Variants in CADM1 observed in about 807,000 individuals in gnomAD.
The protein encoded by CADM1 is TSLC-1.
Under a neutral mutation model 53.1 loss-of-function variants are expected in CADM1, and 15 were observed. That is an observed-to-expected ratio of 0.28 (90% CI 0.19 to 0.44). The LOEUF (loss-of-function observed/expected upper bound fraction) is 0.44. Ranked by LOEUF, CADM1 falls within the 20% of genes least tolerant of loss-of-function variation. CADM1 has a pLI of 1.00. For missense variants in CADM1, 434 were observed against 611.3 expected (o/e 0.71, Z 3.06); for synonymous variants, 281 against 243.0 (o/e 1.16, Z -1.45).
chr11:115,211,656 T>A (rs2134745238), intron 7 of CADM1, among the ~76,000 whole-genome samples: 1 of 144,900 alleles, frequency 6.9e-6, no homozygotes, highest in Non-Finnish European at 1.5e-5. Context: ...ATTTTTGTAT[T>A]TTTTTTTTTT....
chr11:115,290,167 C>T (rs775249094), intron 1 of CADM1, among the ~76,000 whole-genome samples: 10 of 152,242 alleles, frequency 6.6e-5, no homozygotes, highest in Non-Finnish European at 1.3e-4. Context: ...AGAGCAGTGT[C>T]TGCAGAGGCC....
At chr11:115,394,680 G>A (rs111248587) in intron 1 of CADM1, among the ~76,000 whole-genome samples, 4 of 152,282 alleles carry the variant, frequency 2.6e-5, no homozygotes, top group African/African-American at 9.6e-5. Flanking sequence ...ACACTACAGA[G>A]ATGGTGCATA....
chr11:115,273,357 T>C (rs1943357067), intron 1 of CADM1, among the ~76,000 whole-genome samples: 1 of 152,234 alleles, frequency 6.6e-6, no homozygotes, highest in African/African-American at 2.4e-5. Flanking sequence ...ATCTCTTAAA[T>C]GTTCCTCATT....
Position 115,171,428 on chromosome 11 carries a change from T to C in CADM1, c.*5046A>G, listed in dbSNP as rs1158127850. 3.3e-5 allele frequency: 5 copies of C among 152,160 alleles called. No individual in the cohort carries two copies. Among genetic ancestry groups the C allele is most frequent in the African/African-American group, 9.7e-5 (4 of 41,426 alleles). The allele number at this position is 152,160 out of a possible 1,614,324, so 9.4% of individuals were successfully genotyped here. On this transcript the variant is annotated 3_prime_UTR_variant, in exon 12 of 12. Transcript: ENST00000331581. The stretch of plus-strand genomic sequence containing the variant: ...CAGGTAGACAGAGGACAGTGAAAGA[T>C]TGCACCAATTAACACCCGCATATCA...
chr11:115,216,909 T>C (rs1941211689), intron 6 of CADM1, among the ~76,000 whole-genome samples: 2 of 152,166 alleles, frequency 1.3e-5, no homozygotes, highest in South Asian at 4.1e-4. Flanking sequence ...CTGAATTCTT[T>C]ATATGAAAAC....
rs186344015 is a variant in CADM1 at position 115,249,954 on chromosome 11, C to G, written c.125-9534G>C. Among the ~76,000 whole-genome samples the G allele has an allele frequency of 4.3e-3, 532 of 125,142 alleles. 1 individual carries two copies. Among genetic ancestry groups the G allele is most frequent in the South Asian group, 8.7e-3 (35 of 4,010 alleles). The allele number at this position is 125,142 out of a possible 152,430, so 82.1% of individuals were successfully genotyped here. A position where few individuals can be genotyped will look rare whatever the true frequency, so the allele number is the denominator to read the frequency against. On this transcript the variant is annotated intron_variant, in intron 1 of 11. Transcript: ENST00000331581. ...GAGTCTCCCTCTGTTGCCCAGGCTGCAGTGCAGTAGTGCGATCTCGGCTCA... is the reference window on the plus strand; with the variant it reads ...GAGTCTCCCTCTGTTGCCCAGGCTGGAGTGCAGTAGTGCGATCTCGGCTCA...
In CADM1 at chr11:115,184,775, G is replaced by T. The variant is rs112196006; in HGVS notation, c.1166-6000C>A. Among the ~76,000 whole-genome samples, 1,480 of 152,292 alleles carry T rather than the reference G, an allele frequency of 9.7e-3. 34 individuals carry two copies. Among genetic ancestry groups the T allele is most frequent in the African/African-American group, 0.033 (1,367 of 41,546 alleles). ...GGAAAACTGCAGTGATCATCCTCAT[G>T]GTGCCACCCAGAGCTCAGTATGTGT... On this transcript the variant is annotated intron_variant, in intron 10 of 11. Transcript: ENST00000331581.
At chr11:115,374,262 A>G (rs1946384174) in intron 1 of CADM1, among the ~76,000 whole-genome samples, 1 of 152,236 alleles carries the variant, frequency 6.6e-6, no homozygotes. Context: ...AAAGCAGGAT[A>G]ATTTGAGCAT....
intron 1 of CADM1, among the ~76,000 whole-genome samples, chr11:115,424,530 T>G (rs1947838419): frequency 1.3e-5 from 2 of 152,020 alleles, no homozygotes; most frequent in Admixed American, 1.3e-4. Flanking sequence ...TGTTGTTTTG[T>G]TTTTTGGGTT....
Position 115,232,685 on chromosome 11 carries a change from T to C in CADM1, c.425-1195A>G, listed in dbSNP as rs572111312. Among the ~76,000 whole-genome samples, 7 of 152,324 alleles carry C rather than the reference T, an allele frequency of 4.6e-5. No individual in the cohort carries two copies. The East Asian group carries it at 1.3e-3, about 29-fold the overall frequency. On this transcript the variant is annotated intron_variant, in intron 3 of 11. Coordinates refer to ENST00000331581, the MANE Select transcript of CADM1 (RefSeq NM_001301043.2). The stretch of plus-strand genomic sequence containing the variant: ...TGACAATGATGATGATGATAAAATA[T>C]GTTATCTTTTATGAAACTGAGTTGA...
chr11:115,458,984 CTCA>C (rs1330408136), intron 1 of CADM1, among the ~76,000 whole-genome samples: 1 of 152,158 alleles, frequency 6.6e-6, no homozygotes, highest in Non-Finnish European at 1.5e-5. Flanking sequence ...CGGTTAATCA[CTCA>C]TCATGTAAAC....
intron 9 of CADM1, among the ~76,000 whole-genome samples, chr11:115,191,768 A>G (rs538956179): frequency 2.2e-4 from 34 of 152,340 alleles, no homozygotes; most frequent in African/African-American, 7.5e-4. Flanking sequence ...TTTATTTAAT[A>G]ACACAAAATG....
intron 1 of CADM1, among the ~76,000 whole-genome samples, chr11:115,336,060 G>T (rs539857168): frequency 6.6e-6 from 1 of 152,158 alleles, no homozygotes; most frequent in Admixed American, 6.6e-5. Context: ...TGCTTTATTT[G>T]TAATTCTCCT....
intron 9 of CADM1, among the ~76,000 whole-genome samples, chr11:115,191,638 A>G (rs749259585): frequency 1.3e-5 from 2 of 152,198 alleles, no homozygotes; most frequent in African/African-American, 2.4e-5. Context: ...GATGCTTCTC[A>G]GCTAGCTCTG....
intron 1 of CADM1, among the ~76,000 whole-genome samples, chr11:115,295,831 G>C (rs1944064002): frequency 6.6e-6 from 1 of 151,724 alleles, no homozygotes; most frequent in Non-Finnish European, 1.5e-5. Context: ...ATCTAATGCT[G>C]GTCCTTCTAT....
At chr11:115,277,100 G>A (rs1261474350) in intron 1 of CADM1, among the ~76,000 whole-genome samples, 2 of 152,354 alleles carry the variant, frequency 1.3e-5, no homozygotes, top group East Asian at 3.9e-4. Flanking sequence ...AGCTTGAGTA[G>A]ACGGGAACAT....
chr11:115,241,126 A>T (rs1942214501), intron 1 of CADM1: 1 of 153,030 alleles, frequency 6.5e-6, no homozygotes, highest in Non-Finnish European at 1.5e-5. Flanking sequence ...CCCTCAGAAC[A>T]TGTCAAAAAG....
chr11:115,368,357 C>T (rs1324683436), intron 1 of CADM1, among the ~76,000 whole-genome samples: 1 of 151,976 alleles, frequency 6.6e-6, no homozygotes, highest in Non-Finnish European at 1.5e-5. Context: ...CAACACTTGT[C>T]GTTGTGAGGT....
chr11:115,455,688 C>T (rs960275048), intron 1 of CADM1, among the ~76,000 whole-genome samples: 1 of 152,056 alleles, frequency 6.6e-6, no homozygotes, highest in Non-Finnish European at 1.5e-5. Flanking sequence ...AACTTCCCTA[C>T]AAAAAACAAA....
Sources: gnomAD v4.1 joint callset for allele counts (sites outside exome capture counted in the v4.1 genomes callset) on GRCh38, gnomAD v4.1.1 for gene constraint, MANE v1.5 for transcripts, NCBI Gene and HGNC (gene_info 2026-07-23, HGNC 2026-07-21) for gene names.